Variants in CFAP69 observed in about 807,000 individuals in gnomAD.
The protein encoded by CFAP69 is cilia and flagella associated protein 69.
Under a neutral mutation model 123.0 loss-of-function variants are expected in CFAP69, and 92 were observed. The ratio of observed to expected loss-of-function variants is 0.75; its 90% CI spans 0.63 to 0.89. The LOEUF is 0.89. CFAP69 is among the 40% of genes least tolerant of loss of function. The probability of loss-of-function intolerance (pLI) is 0.00; values close to 1 mark genes in which losing one functional copy is unlikely to be tolerated. For missense variants in CFAP69, 1,067 were observed against 1,096.9 expected, an observed-to-expected ratio of 0.97 and a Z score of 0.39; for synonymous variants, 380 against 364.3, an observed-to-expected ratio of 1.04 and a Z score of -0.49.
chr7:90,317,004 T>A, the CFAP69 span: 1 of 152,188 alleles, frequency 6.6e-6, no homozygotes, highest in African/African-American at 2.4e-5. Context: ...GAGAACTGTT[T>A]TTTTTGAGGA....
intron 4 of CFAP69, 126 bp from the exon 5 acceptor site, chr7:90,265,175 G>C: frequency 1.8e-6 from 1 of 551,750 alleles, no homozygotes. Context: ...TCAATCCCCA[G>C]GGCTAAAGAA....
chr7:90,304,501 C>T, intron 18 of CFAP69: 1 of 1,269,666 alleles, frequency 7.9e-7, no homozygotes, highest in Non-Finnish European at 9.9e-7. Context: ...GACTACAACA[C>T]AGAAAGAAAT....
intron 17 of CFAP69, chr7:90,300,590 T>C: frequency 9.7e-6 from 4 of 411,528 alleles, no homozygotes; most frequent in Non-Finnish European, 1.3e-5. Flanking sequence ...AGACTTACAG[T>C]ATCATAATTT....
At position 90,279,861 on chromosome 7, in the gene CFAP69, T is replaced by C. The variant is rs375828889; in HGVS notation, c.1340T>C (p.Val447Ala). ...ATGTCATGCCAGGGAAATGCTCGAG[T>C]CCTTGCATTTCTAGAATGGTGTGAG... The part of the protein sequence containing the change: ...EYMSCQGNAR[V>A]LAFLEWCESE... The change falls in exon 12 of 23, where the codon GTC becomes GCC. Residue 447 changes from valine to alanine, a missense_variant. Transcript: ENST00000389297. 6.4e-5 allele frequency: 103 copies of C among 1,607,690 alleles called. No individual in the cohort carries two copies. In the East Asian group the frequency reaches 1.2e-3, roughly 19 times the overall value.
chr7:90,276,568 T>G (rs1019498778), intron 9 of CFAP69, among the ~76,000 whole-genome samples: 1 of 152,368 alleles, frequency 6.6e-6, no homozygotes, highest in African/African-American at 2.4e-5. Context: ...TGTTTGCAAC[T>G]CTGGTGATTC....
chr7:90,323,425 T>G, the CFAP69 span, among the ~76,000 whole-genome samples: 1 of 152,168 alleles, frequency 6.6e-6, no homozygotes, highest in African/African-American at 2.4e-5. Flanking sequence ...ATAGTAAGTT[T>G]AGGCTTTATT....
the CFAP69 span, chr7:90,320,344 T>G: frequency 6.6e-6 from 1 of 152,234 alleles, no homozygotes; most frequent in Admixed American, 6.5e-5. Context: ...TATTCTTGGC[T>G]TCCCTCTGTT....
downstream of CFAP69, among the ~76,000 whole-genome samples, chr7:90,312,087 C>G (rs917630964): frequency 6.6e-6 from 1 of 152,162 alleles, no homozygotes; most frequent in African/African-American, 2.4e-5. Context: ...GAGACCATAT[C>G]TCATTAATTA....
At chr7:90,314,718 G>C (rs907485660), downstream of CFAP69, among the ~76,000 whole-genome samples, 1 of 148,542 alleles carries the variant, frequency 6.7e-6, no homozygotes, top group African/African-American at 2.5e-5. Flanking sequence ...TTACAGTTTG[G>C]TATTTTTTAT....
chr7:90,291,105 A>G (rs947582272), intron 15 of CFAP69, among the ~76,000 whole-genome samples: 2 of 152,184 alleles, frequency 1.3e-5, no homozygotes, highest in Admixed American at 6.6e-5. Context: ...CACACAGGAA[A>G]GAATTCAGGA....
Position 90,250,229 on chromosome 7 carries a change from AG to A in CFAP69, c.120+4686del, listed in dbSNP as rs1562832610. On this transcript the variant is annotated intron_variant, in intron 1 of 22. Transcript: ENST00000389297. ...GAGAGAGAGAGAGAGAGAGAGAGAG[AG>A]AGAGACTCCTTGGTTGTCCATTGAG... 3.6e-4 allele frequency among the ~76,000 whole-genome samples: 44 copies of A among 123,692 alleles called. 1 individual carries two copies. Among genetic ancestry groups the A allele is most frequent in the African/African-American group, 4.6e-4 (15 of 32,440 alleles). The allele number at this position is 123,692 out of a possible 152,430, so 81.1% of individuals were successfully genotyped here. A position where few individuals can be genotyped will look rare whatever the true frequency, so the allele number is the denominator to read the frequency against.
chr7:90,300,538 C>T, intron 17 of CFAP69: 1 of 634,466 alleles, frequency 1.6e-6, no homozygotes, highest in South Asian at 7.2e-5. Flanking sequence ...TAAAAATAGT[C>T]CAAATGTTCA....
chr7:90,247,538 G>T (rs1325440645), intron 1 of CFAP69, among the ~76,000 whole-genome samples: 1 of 152,088 alleles, frequency 6.6e-6, no homozygotes, highest in Non-Finnish European at 1.5e-5. Context: ...CATGTCCATT[G>T]TAAAGATTAA....
the CFAP69 span, chr7:90,319,667 A>G: frequency 5.0e-6 from 2 of 398,440 alleles, no homozygotes; most frequent in Admixed American, 8.8e-5. Flanking sequence ...CCTTTTTGAA[A>G]CTCAAAGTCA....
Position 90,310,182 on chromosome 7 carries a change from C to G in CFAP69, c.2770C>G (p.Gln924Glu), listed in dbSNP as rs1221004322. The change falls in exon 23 of 23, where the codon CAG becomes GAG. Residue 924 changes from glutamine (Q) to glutamate (E), a missense_variant. Transcript: ENST00000389297. ...ACTGCCCATTCGAGGAGGAGCCTTG[C>G]AGAGGGTGAAAGCAGTTAAAATTGT... is the stretch of plus-strand genomic sequence containing the variant. ...KKLPIRGGAL[Q>E]RVKAVKIVDA... The G allele has an allele frequency of 6.2e-7, 1 of 1,613,826 alleles. No homozygotes were observed. The highest frequency in any genetic ancestry group is 2.2e-5 in the East Asian group (1 of 44,868).
At chr7:90,252,148 A>G (rs916648) in intron 1 of CFAP69, 26,754 of 146,326 alleles carry the variant, frequency 0.18, 4,736 homozygotes, top group East Asian at 0.73. Flanking sequence ...GTGTGTGTGC[A>G]TGCGCGTATA....
chr7:90,249,530 GT>G (rs1186442628), intron 1 of CFAP69, among the ~76,000 whole-genome samples: 1 of 152,190 alleles, frequency 6.6e-6, no homozygotes, highest in Admixed American at 6.5e-5. Flanking sequence ...CTACAGGAAG[GT>G]AGAGGTAATG....
chr7:90,323,292 T>C, the CFAP69 span, among the ~76,000 whole-genome samples: 3 of 152,122 alleles, frequency 2.0e-5, no homozygotes, highest in African/African-American at 7.2e-5. Context: ...TAAATCATCA[T>C]TGGGTGATCA....
chr7:90,277,086 C>A lies in CFAP69; in HGVS notation c.998C>A (p.Thr333Asn). Residue 333 changes from threonine (T) to asparagine (N), a missense_variant, in exon 10 of 23, where the codon ACC becomes AAC. Transcript: ENST00000389297. ...TATTTATATTAGGAATGTGGCTTTA[C>A]CAAGGATTTGATACTGTTTGCCACC... ...PEAPMIECGF[T>N]KDLILFATFN... 1 of 1,567,342 alleles carries A rather than the reference C, an allele frequency of 6.4e-7. No individual in the cohort carries two copies. The highest frequency in any genetic ancestry group is 8.6e-7 in the Non-Finnish European group (1 of 1,156,214).
Sources: gnomAD v4.1 joint callset for allele counts (sites outside exome capture counted in the v4.1 genomes callset) on GRCh38, gnomAD v4.1.1 for gene constraint, MANE v1.5 for transcripts, NCBI Gene and HGNC (gene_info 2026-07-23, HGNC 2026-07-21) for gene names.